Variants in C1QTNF5 observed in about 807,000 individuals in gnomAD.
C1QTNF5 encodes the protein C1q and TNF related 5.
In C1QTNF5, 5 loss-of-function variants were observed where a neutral mutation model predicts 10.9. The observed-to-expected ratio is 0.46, with a 90% CI of 0.24 to 0.97. C1QTNF5 has a LOEUF of 0.97. C1QTNF5 is among the 50% of genes least tolerant of loss of function. The pLI, the probability that C1QTNF5 is intolerant of heterozygous loss-of-function variation, is 0.19. For missense variants in C1QTNF5, 281 were observed against 339.4 expected, an observed-to-expected ratio of 0.83 and a Z score of 1.35; for synonymous variants, 161 against 156.5, an observed-to-expected ratio of 1.03 and a Z score of -0.22.
chr11:119,346,146 T>G, the C1QTNF5 span: 1 of 1,595,844 alleles, frequency 6.3e-7, no homozygotes, highest in African/African-American at 1.3e-5. Flanking sequence ...GCCGTAGCCC[T>G]CGAGGACGCC....
At chr11:119,343,987 C>T (rs1186119462), upstream of C1QTNF5, 1 of 1,609,854 alleles carries the variant, frequency 6.2e-7, no homozygotes. Context: ...ATAGGTGGAG[C>T]AATTCATGGC....
upstream of C1QTNF5, chr11:119,345,356 T>C (rs75726139): frequency 8.9e-4 from 1,365 of 1,540,050 alleles, 13 homozygotes; most frequent in African/African-American, 0.016. Flanking sequence ...TGCCACTCCC[T>C]GATTCTGCTC....
In C1QTNF5 at chr11:119,339,044, A is replaced by AC. The variant is rs1950468345; in HGVS notation, c.*286dup. The AC allele has an allele frequency of 2.6e-6, 1 of 382,016 alleles. No individual in the cohort carries two copies. The allele number at this position is 382,016 out of a possible 1,614,324, so 23.7% of individuals were successfully genotyped here. A position where few individuals can be genotyped will look rare whatever the true frequency, so the allele number is the denominator to read the frequency against. Reference sequence around the variant, plus strand: ...AGAAGCAGAGGACCAGGAAGAGAGCACCCCACCGTGGGCTCCTGGACCAGA... The same window carrying AC: ...AGAAGCAGAGGACCAGGAAGAGAGCACCCCCACCGTGGGCTCCTGGACCAGA... On this transcript the variant is annotated 3_prime_UTR_variant, in exon 3 of 3. Transcript: ENST00000528368. The surrounding 1 kb of genome is among the most constrained non-coding windows in gnomAD (Gnocchi z 5.4).
At chr11:119,341,655 C>T (rs910918145), upstream of C1QTNF5, 8 of 1,613,026 alleles carry the variant, frequency 5.0e-6, no homozygotes, top group Non-Finnish European at 6.8e-6. Context: ...TGGTGCTCCG[C>T]TTCCTGGCAG....
At chr11:119,346,542 G>A in the C1QTNF5 span, 1 of 1,613,064 alleles carries the variant, frequency 6.2e-7, no homozygotes, top group South Asian at 1.1e-5. Flanking sequence ...GCTTTCTGGA[G>A]TCCCTGTGAC....
At chr11:119,341,232 G>C (rs556985308), upstream of C1QTNF5, 10 of 429,974 alleles carry the variant, frequency 2.3e-5, no homozygotes, top group South Asian at 2.7e-4. Flanking sequence ...TCAAGGAAAA[G>C]GTCAGAAGGC....
chr11:119,346,276 C>A, the C1QTNF5 span: 2 of 1,612,400 alleles, frequency 1.2e-6, no homozygotes, highest in Non-Finnish European at 1.7e-6. Context: ...GGTTACCATG[C>A]CAGGGAGCTG....
chr11:119,343,651 G>T (rs1180643863), upstream of C1QTNF5, among the ~76,000 whole-genome samples: 1 of 152,162 alleles, frequency 6.6e-6, no homozygotes, highest in Non-Finnish European at 1.5e-5. Flanking sequence ...TGGGGTGAAG[G>T]TTTTGAGGTG....
chr11:119,341,800 C>T (rs749107957), upstream of C1QTNF5: 17 of 1,613,302 alleles, frequency 1.1e-5, no homozygotes, highest in African/African-American at 1.3e-5. Context: ...CCTTCAGGCA[C>T]CTGCTCCCAG....
chr11:119,344,734 G>T (rs138295825), upstream of C1QTNF5: 2 of 1,613,878 alleles, frequency 1.2e-6, no homozygotes, highest in South Asian at 1.1e-5. Context: ...TGGTCACAGC[G>T]GAACTCATCA....
rs759871657 is a variant in C1QTNF5, at chr11:119,339,481, C to A, written c.582G>T (p.Gly194=). The A allele has an allele frequency of 3.1e-6, 5 of 1,613,864 alleles. No individual in the cohort carries two copies. Among genetic ancestry groups the A allele is most frequent in the Middle Eastern group, 3.3e-4 (2 of 6,062 alleles). ...GWPKPASLSG[G]AMVRLEPEDQ... ...CCTCAGGCTCCAGCCTCACCATGGC[C>A]CCCCCCGAGAGCGAGGCTGGCTTGG... is the stretch of plus-strand genomic sequence containing the variant. The change falls in exon 3 of 3, where the codon GGG becomes GGT. Residue 194 remains glycine, a synonymous_variant. Coordinates refer to ENST00000528368, the MANE Select transcript of C1QTNF5 (RefSeq NM_001278431.2). This position sits in a 1 kb window ranked among gnomAD's most constrained non-coding sequence, Gnocchi z 5.4.
the C1QTNF5 span, chr11:119,346,246 C>T: frequency 6.3e-7 from 1 of 1,592,308 alleles, no homozygotes; most frequent in Admixed American, 1.8e-5. Context: ...TCTGTCCTCC[C>T]CCAGGTCACC....
upstream of C1QTNF5, chr11:119,341,646 G>A: frequency 6.2e-7 from 1 of 1,613,012 alleles, no homozygotes. Flanking sequence ...GACTGGCACT[G>A]GTGCTCCGCT....
In C1QTNF5 at chr11:119,339,834, G is replaced by T. The variant is rs1430570765; in HGVS notation, c.229C>A (p.Arg77=). ...EGGRPGLPGP[R]GDPGPRGEAG... The stretch of plus-strand genomic sequence containing the variant: ...TCTCCTCGCGGCCCGGGGTCCCCTC[G>T]AGGTCCCGGCAGTCCTGCGGGGTAA... Residue 77 remains arginine (R), a synonymous_variant, in exon 3 of 3, where the codon CGA becomes AGA. Transcript: ENST00000528368. This position sits in a 1 kb window ranked among gnomAD's most constrained non-coding sequence, Gnocchi z 5.4. 3 of 1,504,862 alleles carry T rather than the reference G, an allele frequency of 2.0e-6. No individual in the cohort carries two copies. In the South Asian group the frequency reaches 3.8e-5, roughly 19 times the overall value. The allele number at this position is 1,504,862 out of a possible 1,614,324, so 93.2% of individuals were successfully genotyped here.
At chr11:119,344,056 G>A, upstream of C1QTNF5, 10 of 1,515,142 alleles carry the variant, frequency 6.6e-6, no homozygotes, top group South Asian at 1.0e-4. Flanking sequence ...CTGCTGGCTG[G>A]GGGGATGGGG....
At chr11:119,343,051 G>C, upstream of C1QTNF5, 3 of 1,560,268 alleles carry the variant, frequency 1.9e-6, no homozygotes, top group Non-Finnish European at 2.6e-6. Context: ...GGCTGACTGA[G>C]GGGGCACTGC....
upstream of C1QTNF5, chr11:119,344,090 C>A: frequency 8.0e-7 from 1 of 1,243,340 alleles, no homozygotes. Context: ...ATTGGTGGTT[C>A]TTAAGGACCT....
chr11:119,342,740 G>A, upstream of C1QTNF5: 1 of 1,613,512 alleles, frequency 6.2e-7, no homozygotes, highest in South Asian at 1.1e-5. Flanking sequence ...GCAGGCACAA[G>A]GGGCATGGCA....
At chr11:119,343,805 G>A (rs199473709), upstream of C1QTNF5, 2 of 1,613,826 alleles carry the variant, frequency 1.2e-6, no homozygotes, top group South Asian at 2.2e-5. Flanking sequence ...GCTCTTCCCT[G>A]GCTCCTGTAC....
Sources: allele counts gnomAD v4.1 joint callset (sites outside exome capture counted in the v4.1 genomes callset), GRCh38; gene constraint gnomAD v4.1.1; non-coding constraint Gnocchi (gnomAD v3.1); transcripts MANE v1.5; gene names NCBI Gene and HGNC (gene_info 2026-07-23, HGNC 2026-07-21).